RDX: variants seen among roughly 807,000 people sequenced by gnomAD.
RDX encodes the protein deafness, autosomal recessive 24.
In RDX, 32 loss-of-function variants were observed where a neutral mutation model predicts 83.7. That is an observed-to-expected ratio of 0.38 (90% CI 0.29 to 0.51). The LOEUF (loss-of-function observed/expected upper bound fraction) is 0.51. RDX is among the 20% of genes least tolerant of loss of function. RDX has a pLI of 0.87. For synonymous variants in RDX, 229 were observed against 222.7 expected, an observed-to-expected ratio of 1.03 and a Z score of -0.25; for missense variants, 600 against 689.9, an observed-to-expected ratio of 0.87 and a Z score of 1.46.
chr11:110,259,823 T>A (rs1257845174), intron 5 of RDX, among the ~76,000 whole-genome samples: 1 of 152,110 alleles, frequency 6.6e-6, no homozygotes, highest in African/African-American at 2.4e-5. Flanking sequence ...AATAAATGAA[T>A]TAATCAATTT....
At chr11:110,237,383 G>T in intron 11 of RDX, 109 bp downstream of exon 11, 2 of 974,690 alleles carry the variant, frequency 2.1e-6, no homozygotes, top group African/African-American at 1.6e-5. Flanking sequence ...TGTTATCTTT[G>T]GCTTGCTCTC....
At chr11:110,189,239 C>A (rs1591499992) in intron 15 of RDX, among the ~76,000 whole-genome samples, 7 of 9,658 alleles carry the variant, frequency 7.2e-4, no homozygotes, top group South Asian at 1.8e-3. Context: ...AAATGAACAA[C>A]AGGTAAAAAA....
intron 14 of RDX, among the ~76,000 whole-genome samples, chr11:110,218,117 G>A (rs1183821059): frequency 6.6e-6 from 1 of 152,180 alleles, no homozygotes; most frequent in East Asian, 1.9e-4. Context: ...CTTGAGCAGG[G>A]GTATGGAGTG....
intron 14 of RDX, among the ~76,000 whole-genome samples, chr11:110,218,068 G>A (rs1565297366): frequency 6.6e-6 from 1 of 152,194 alleles, no homozygotes; most frequent in African/African-American, 2.4e-5. Context: ...TGGCAAATAC[G>A]GGAACAGATT....
chr11:110,268,143 A>C (rs979634221), intron 3 of RDX, among the ~76,000 whole-genome samples: 6 of 152,000 alleles, frequency 3.9e-5, no homozygotes, highest in Admixed American at 3.9e-4. Context: ...CTCTGTCTCT[A>C]CTAAAAATAC....
At chr11:110,236,438 G>A in intron 11 of RDX, 2 of 385,532 alleles carry the variant, frequency 5.2e-6, no homozygotes, top group Admixed American at 4.2e-5. Context: ...TTCAGTAGCA[G>A]GAACTTAAAA....
intron 10 of RDX, among the ~76,000 whole-genome samples, chr11:110,246,968 T>C (rs1194141171): frequency 1.3e-5 from 2 of 152,148 alleles, no homozygotes; most frequent in Non-Finnish European, 2.9e-5. Context: ...GTAGACTTCA[T>C]GTTACCCCTG....
intron 3 of RDX, among the ~76,000 whole-genome samples, chr11:110,271,508 C>A (rs969668671): frequency 6.6e-6 from 1 of 152,206 alleles, no homozygotes; most frequent in Admixed American, 6.5e-5. Context: ...TGGGGCCAAT[C>A]CCTTACCTCG....
Position 110,231,766 on chromosome 11 carries a change from A to C in RDX, c.*103T>G. ...TAGCTAGCACAGTCAAACTGGTGTA[A>C]GTGCTTTGGCAAGGTGGGATGCATT... On this transcript the variant is annotated 3_prime_UTR_variant, in exon 14 of 14. Coordinates refer to ENST00000645495, the MANE Select transcript of RDX (RefSeq NM_002906.4). 7.8e-7 allele frequency: 1 copy of C among 1,278,746 alleles called. No homozygotes were observed. Among genetic ancestry groups the C allele is most frequent in the Non-Finnish European group, 1.1e-6 (1 of 885,266 alleles). The allele number at this position is 1,278,746 out of a possible 1,614,324, so 79.2% of individuals were successfully genotyped here.
chr11:110,228,854 G>A (rs955088441), downstream of RDX, among the ~76,000 whole-genome samples: 5 of 151,744 alleles, frequency 3.3e-5, 1 homozygote, highest in Admixed American at 3.3e-4. Context: ...TTTTCTGACA[G>A]GATCAGAGTA....
chr11:110,281,833 G>A (rs748240981), intron 1 of RDX, among the ~76,000 whole-genome samples: 70 of 151,304 alleles, frequency 4.6e-4, no homozygotes, highest in African/African-American at 1.5e-3. Flanking sequence ...CAGGCCAGGC[G>A]CGATAGCTCA....
intron 1 of RDX, among the ~76,000 whole-genome samples, chr11:110,290,499 C>T (rs961609857): frequency 1.4e-5 from 2 of 140,664 alleles, no homozygotes; most frequent in African/African-American, 5.2e-5. Flanking sequence ...GCAACAGAGA[C>T]AGTCTCAAAA....
At chr11:110,275,688 T>A (rs924541009) in intron 2 of RDX, among the ~76,000 whole-genome samples, 1 of 152,168 alleles carries the variant, frequency 6.6e-6, no homozygotes, top group Non-Finnish European at 1.5e-5. Context: ...GTCATTTTAC[T>A]TTCTCCATAG....
At chr11:110,241,549 G>A (rs1865100957) in intron 10 of RDX, among the ~76,000 whole-genome samples, 1 of 152,132 alleles carries the variant, frequency 6.6e-6, no homozygotes, top group Non-Finnish European at 1.5e-5. Flanking sequence ...CACCCGCCTT[G>A]GCCTCCCAAA....
intron 15 of RDX, among the ~76,000 whole-genome samples, chr11:110,180,620 T>C (rs1862867544): frequency 6.6e-6 from 1 of 151,938 alleles, no homozygotes; most frequent in Admixed American, 6.6e-5. Context: ...TTCTTGCAGT[T>C]TCCTCAGTCT....
chr11:110,278,615 T>TTCA (rs1860613846), intron 2 of RDX, among the ~76,000 whole-genome samples: 1 of 152,148 alleles, frequency 6.6e-6, no homozygotes, highest in Non-Finnish European at 1.5e-5. Flanking sequence ...AATTCAGTTA[T>TTCA]TGGTTCTAGT....
chr11:110,257,561 C>T (rs1344771408), intron 7 of RDX, among the ~76,000 whole-genome samples: 1 of 152,100 alleles, frequency 6.6e-6, no homozygotes, highest in Non-Finnish European at 1.5e-5. Context: ...TTGATAAATA[C>T]ACTGAAAAGT....
intron 1 of RDX, among the ~76,000 whole-genome samples, chr11:110,292,740 T>C (rs968204926): frequency 2.0e-5 from 3 of 152,094 alleles, no homozygotes; most frequent in Admixed American, 6.6e-5. Context: ...TACTAATAGC[T>C]TTATAAATTC....
intron 15 of RDX, among the ~76,000 whole-genome samples, chr11:110,196,454 G>C (rs1055877000): frequency 2.6e-5 from 4 of 152,234 alleles, no homozygotes; most frequent in African/African-American, 9.6e-5. Context: ...CTCAAAAGGA[G>C]TCTCACATAT....
Sources: gnomAD v4.1 joint callset for allele counts (sites outside exome capture counted in the v4.1 genomes callset) on GRCh38, gnomAD v4.1.1 for gene constraint, MANE v1.5 for transcripts, NCBI Gene and HGNC (gene_info 2026-07-23, HGNC 2026-07-21) for gene names.